Variants in SDR9C7 observed in about 807,000 individuals in gnomAD.
The protein encoded by SDR9C7 is short-chain dehydrogenase/reductase family 9C member 7.
In SDR9C7, 11 loss-of-function variants were observed where a neutral mutation model predicts 23.6. The ratio of observed to expected loss-of-function variants is 0.47; its 90% CI spans 0.29 to 0.77. The LOEUF is 0.77. Ranked by LOEUF, SDR9C7 falls within the 30% of genes least tolerant of loss-of-function variation. SDR9C7 has a pLI of 0.09. For missense variants in SDR9C7, 387 were observed against 407.1 expected, an observed-to-expected ratio of 0.95 and a Z score of 0.42; for synonymous variants, 167 against 157.3, an observed-to-expected ratio of 1.06 and a Z score of -0.46.
In SDR9C7 at chr12:56,924,067, A is replaced by G; in HGVS notation, c.725-17T>C. On this transcript the variant is annotated splice_polypyrimidine_tract_variant and intron_variant, in intron 3 of 3. Coordinates refer to ENST00000293502, the MANE Select transcript of SDR9C7 (RefSeq NM_148897.3). ...TGTCAGTATCTGTTTGAGGGCAGAG[A>G]GGGGAAAAAGGCTCTGTTATTCTTC... The G allele has an allele frequency of 1.3e-6, 2 of 1,537,812 alleles. No individual in the cohort carries two copies. Among genetic ancestry groups the G allele is most frequent in the South Asian group, 1.1e-5 (1 of 88,878 alleles).
Position 56,929,457 on chromosome 12 carries a change from C to T in SDR9C7, c.657G>A (p.Met219Ile). ...ILGKENLESR[M>I]RKLWERLPQE... is the part of the protein sequence containing the mutation. ...GAGGCAGCCTCTCCCAAAGCTTTCG[C>T]ATGCGTGACTCCAGGTTCTCCTTGC... Residue 219 changes from methionine (M) to isoleucine (I), a missense_variant, in exon 3 of 4, where the codon ATG becomes ATA. Coordinates refer to ENST00000293502, the MANE Select transcript of SDR9C7 (RefSeq NM_148897.3). The T allele has an allele frequency of 1.2e-6, 2 of 1,613,928 alleles. No homozygotes were observed. Among genetic ancestry groups the T allele is most frequent in the East Asian group, 4.5e-5 (2 of 44,860 alleles).
At chr12:56,933,064 C>T (rs898156095) in intron 1 of SDR9C7, among the ~76,000 whole-genome samples, 2 of 152,350 alleles carry the variant, frequency 1.3e-5, no homozygotes, top group African/African-American at 4.8e-5. Flanking sequence ...AGGCAGGTCC[C>T]CACACAGTCC....
chr12:56,933,123 G>C (rs917447994), intron 1 of SDR9C7, among the ~76,000 whole-genome samples: 1 of 152,174 alleles, frequency 6.6e-6, no homozygotes, highest in Non-Finnish European at 1.5e-5. Flanking sequence ...AGCAGCCACT[G>C]TGACATACAT....
intron 1 of SDR9C7, among the ~76,000 whole-genome samples, chr12:56,931,016 G>T (rs962147463): frequency 6.6e-6 from 1 of 152,134 alleles, no homozygotes; most frequent in African/African-American, 2.4e-5. Context: ...AGGATCACTT[G>T]AGGCCAGGAG....
At chr12:56,932,934 G>A (rs566249782) in intron 1 of SDR9C7, among the ~76,000 whole-genome samples, 10 of 152,280 alleles carry the variant, frequency 6.6e-5, no homozygotes, top group South Asian at 2.1e-4. Context: ...CCTGACCTGC[G>A]CATGGGCTCC....
At chr12:56,925,856 G>C (rs1955730544) in intron 3 of SDR9C7, among the ~76,000 whole-genome samples, 1 of 152,194 alleles carries the variant, frequency 6.6e-6, no homozygotes, top group Admixed American at 6.5e-5. Flanking sequence ...GACATGGTGA[G>C]ATGGGCTGGG....
At chr12:56,931,935 C>T (rs1394038544) in intron 1 of SDR9C7, among the ~76,000 whole-genome samples, 5 of 152,188 alleles carry the variant, frequency 3.3e-5, no homozygotes, top group Non-Finnish European at 7.3e-5. Context: ...CATGCCCCTA[C>T]CCAGTCTCCC....
chr12:56,925,564 C>T (rs536985551), intron 3 of SDR9C7, among the ~76,000 whole-genome samples: 70 of 152,254 alleles, frequency 4.6e-4, no homozygotes, highest in Admixed American at 2.4e-3. Context: ...CCCCAGACTC[C>T]GAGAAACTCC....
At chr12:56,925,071 G>A (rs1955724908) in intron 3 of SDR9C7, among the ~76,000 whole-genome samples, 1 of 151,934 alleles carries the variant, frequency 6.6e-6, no homozygotes, top group South Asian at 2.1e-4. Flanking sequence ...AAAACATGCA[G>A]GAGAAAATAT....
At position 56,933,452 on chromosome 12, in the gene SDR9C7, G is replaced by A. The variant is rs563612350; in HGVS notation, c.301+509C>T. Among the ~76,000 whole-genome samples the A allele has an allele frequency of 7.9e-5, 12 of 152,114 alleles. No homozygotes were observed. The South Asian group carries it at 1.9e-3, about 24-fold the overall frequency. On this transcript the variant is annotated intron_variant, in intron 1 of 3. Coordinates refer to ENST00000293502, the MANE Select transcript of SDR9C7 (RefSeq NM_148897.3). The stretch of plus-strand genomic sequence containing the variant: ...TGGCTCACTGCAACCTCCGCCTCCC[G>A]GGTTCAAGTGATTCTCCTGCCTCAG...
intron 3 of SDR9C7, among the ~76,000 whole-genome samples, chr12:56,927,057 T>C (rs958771474): frequency 5.3e-5 from 8 of 152,226 alleles, no homozygotes; most frequent in Non-Finnish European, 4.4e-5. Flanking sequence ...AAAATTCTAG[T>C]ATAACCACTT....
intron 3 of SDR9C7, among the ~76,000 whole-genome samples, chr12:56,927,210 A>G (rs1471564360): frequency 6.6e-6 from 1 of 152,188 alleles, no homozygotes; most frequent in Non-Finnish European, 1.5e-5. Flanking sequence ...GCTTTTGGAC[A>G]AGGTTTTCGG....
chr12:56,931,599 A>T (rs1157518587), intron 1 of SDR9C7, among the ~76,000 whole-genome samples: 1 of 152,128 alleles, frequency 6.6e-6, no homozygotes, highest in Non-Finnish European at 1.5e-5. Context: ...CAGGCTCTTC[A>T]TCAGATTAGA....
At position 56,923,410 on chromosome 12, in the gene SDR9C7, A is replaced by T. The variant is rs139000700; in HGVS notation, c.*423T>A. Reference sequence around the variant, plus strand: ...TATGTGAATGAAGTTATGCATATTGAGGGACCCATTAGGAAGGTGGTTAGA... The same window carrying T: ...TATGTGAATGAAGTTATGCATATTGTGGGACCCATTAGGAAGGTGGTTAGA... On this transcript the variant is annotated 3_prime_UTR_variant, in exon 4 of 4. Transcript: ENST00000293502. 214 of 160,136 alleles carry T rather than the reference A, an allele frequency of 1.3e-3. 1 individual carries two copies. Among genetic ancestry groups the T allele is most frequent in the African/African-American group, 4.6e-3 (191 of 41,752 alleles). 9.9% of individuals were successfully genotyped at this position (160,136 alleles called of 1,614,324 possible). A position where few individuals can be genotyped will look rare whatever the true frequency, so the allele number is the denominator to read the frequency against.
In SDR9C7 at chr12:56,934,017, T is replaced by C; in HGVS notation, c.245A>G (p.Lys82Arg). ...RLQTTLLDVT[K>R]SESIKAAAQW... ...GGCCGCCGCCTTGATGCTTTCGCTC[T>C]TGGTGACATCCAGTAGGGTGGTCTG... The change falls in exon 1 of 4, where the codon AAG becomes AGG. Residue 82 changes from lysine to arginine, a missense_variant. By Grantham distance (26) the Lys-to-Arg change is conservative. Coordinates refer to ENST00000293502, the MANE Select transcript of SDR9C7 (RefSeq NM_148897.3). 2 of 1,614,054 alleles carry C rather than the reference T, an allele frequency of 1.2e-6. No homozygotes were observed. The highest frequency in any genetic ancestry group is 2.2e-5 in the South Asian group (2 of 91,084).
intron 2 of SDR9C7, 109 bp from the exon 3 acceptor site, chr12:56,929,662 C>T: frequency 7.7e-7 from 1 of 1,299,584 alleles, no homozygotes. Flanking sequence ...TTCTCTCACC[C>T]CTGTACTTGG....
chr12:56,931,603 G>C (rs1338651412), intron 1 of SDR9C7, among the ~76,000 whole-genome samples: 1 of 152,114 alleles, frequency 6.6e-6, no homozygotes, highest in Non-Finnish European at 1.5e-5. Context: ...CTCTTCATCA[G>C]ATTAGACTAA....
chr12:56,933,073 C>T (rs937640374), intron 1 of SDR9C7, among the ~76,000 whole-genome samples: 2 of 152,230 alleles, frequency 1.3e-5, no homozygotes, highest in African/African-American at 4.8e-5. Flanking sequence ...CCCACACAGT[C>T]CTGGGCCAGC....
intron 3 of SDR9C7, among the ~76,000 whole-genome samples, chr12:56,925,393 C>G (rs1955726961): frequency 6.6e-6 from 1 of 152,176 alleles, no homozygotes; most frequent in Non-Finnish European, 1.5e-5. Flanking sequence ...GCTTCAAAGT[C>G]AGACTGCCCT....
Sources: allele counts gnomAD v4.1 joint callset (sites outside exome capture counted in the v4.1 genomes callset), GRCh38; gene constraint gnomAD v4.1.1; transcripts MANE v1.5; gene names NCBI Gene and HGNC (gene_info 2026-07-23, HGNC 2026-07-21).